The following VPS13A variants were observed in gnomAD, a reference collection of about 807,000 sequenced individuals.
The protein encoded by VPS13A is vacuolar protein sorting 13 homolog A.
VPS13A carries 264 observed loss-of-function variants against 390.9 expected under a neutral mutation model. The observed-to-expected ratio is 0.68, with a 90% CI of 0.61 to 0.75. The LOEUF is 0.75. VPS13A is among the 30% of genes least tolerant of loss of function. The pLI, the probability that VPS13A is intolerant of heterozygous loss-of-function variation, is 0.00. For synonymous variants in VPS13A, 1,231 were observed against 1,227.1 expected (o/e 1.00, Z -0.07); for missense variants, 3,409 against 3,733.9 (o/e 0.91, Z 2.27).
In VPS13A at chr9:77,366,719, CT is replaced by C; in HGVS notation, c.8326-3del. ...TACTTTTAAATATTTATCTCTTTATCTTTTTAGTTACATTTAAGTGTTTCAC... is the reference window on the plus strand; with the variant it reads ...TACTTTTAAATATTTATCTCTTTATCTTTTAGTTACATTTAAGTGTTTCAC... On this transcript the variant is annotated splice_region_variant and splice_polypyrimidine_tract_variant and intron_variant, in intron 60 of 71. Coordinates refer to ENST00000360280, the MANE Select transcript of VPS13A (RefSeq NM_033305.3). 1 of 1,604,778 alleles carries C rather than the reference CT, an allele frequency of 6.2e-7. No individual in the cohort carries two copies. The highest frequency in any genetic ancestry group is 8.5e-7 in the Non-Finnish European group (1 of 1,174,134).
intron 52 of VPS13A, among the ~76,000 whole-genome samples, chr9:77,345,877 C>T (rs1033631521): frequency 3.9e-5 from 6 of 152,044 alleles, no homozygotes; most frequent in South Asian, 2.1e-4. Context: ...ACCTAAAACT[C>T]GTTTGGGGTA....
chr9:77,194,534 G>A (rs997394998), intron 1 of VPS13A, among the ~76,000 whole-genome samples: 1 of 152,118 alleles, frequency 6.6e-6, no homozygotes, highest in African/African-American at 2.4e-5. Context: ...GGCCTTCTGG[G>A]CTCCGTGCAG....
chr9:77,276,284 G>A, intron 26 of VPS13A, 63 bp downstream of exon 26: 1 of 1,394,800 alleles, frequency 7.2e-7, no homozygotes, highest in South Asian at 1.4e-5. Flanking sequence ...CTGCTAGAGA[G>A]TTTTCAATTC....
At chr9:77,387,207 C>T (rs1013870947) in intron 68 of VPS13A, among the ~76,000 whole-genome samples, 5 of 151,302 alleles carry the variant, frequency 3.3e-5, no homozygotes, top group Admixed American at 2.6e-4. Context: ...AGGATCTAGG[C>T]AAAAATATAT....
intron 1 of VPS13A, among the ~76,000 whole-genome samples, chr9:77,192,383 G>T (rs529432131): frequency 1.3e-5 from 2 of 152,124 alleles, no homozygotes; most frequent in South Asian, 4.2e-4. Context: ...TCCTGTTATC[G>T]TGTTGTTAGC....
At chr9:77,241,837 A>G (rs1824518561) in intron 19 of VPS13A, among the ~76,000 whole-genome samples, 1 of 152,302 alleles carries the variant, frequency 6.6e-6, no homozygotes, top group African/African-American at 2.4e-5. Flanking sequence ...CTTATCATTC[A>G]CAGAGGTATT....
Position 77,358,588 on chromosome 9 carries a change from C to T in VPS13A, c.8035+150C>T, listed in dbSNP as rs1831949096. On this transcript the variant is annotated intron_variant, in intron 57 of 71. Transcript: ENST00000360280. ...CTGCTTGAAAAAGGACCAGCAAGTA[C>T]TATACACAACTAACTTTGATAAGAT... 1.1e-5 allele frequency: 7 copies of T among 648,580 alleles called. No homozygotes were observed. The East Asian group carries it at 2.0e-4, about 18-fold the overall frequency. The allele number at this position is 648,580 out of a possible 1,614,324, so 40.2% of individuals were successfully genotyped here. A position where few individuals can be genotyped will look rare whatever the true frequency, so the allele number is the denominator to read the frequency against.
chr9:77,205,218 A>T, intron 3 of VPS13A, 95 bp from the exon 4 acceptor site: 1 of 538,750 alleles, frequency 1.9e-6, no homozygotes, highest in Non-Finnish European at 3.0e-6. Flanking sequence ...CCACTTTATT[A>T]TCTCTTCAAT....
rs1834688195 is a variant in VPS13A, at chr9:77,407,621, A to ATCT, written c.9474+16_9474+18dup. ...GAGGATGCCAGGGTAAATATAATAA[A>ATCT]TCTTTTATTTAAATAGGAGCTGCTC... On this transcript the variant is annotated intron_variant, in intron 71 of 71. Transcript: ENST00000360280. 6.3e-7 allele frequency: 1 copy of ATCT among 1,583,548 alleles called. No homozygotes were observed. The highest frequency in any genetic ancestry group is 8.7e-7 in the Non-Finnish European group (1 of 1,153,220).
intron 35 of VPS13A, 50 bp from the exon 36 acceptor site, chr9:77,313,942 G>A: frequency 6.4e-7 from 1 of 1,562,034 alleles, no homozygotes; most frequent in Non-Finnish European, 8.7e-7. Context: ...ATTTTAATGA[G>A]CTACTTTTCA....
chr9:77,265,904 T>A (rs1262727602), intron 23 of VPS13A, among the ~76,000 whole-genome samples: 2 of 152,232 alleles, frequency 1.3e-5, no homozygotes, highest in Non-Finnish European at 2.9e-5. Context: ...GTGTTGATTT[T>A]AGATCTTTCC....
chr9:77,319,692 A>ATG lies in VPS13A; in HGVS notation c.5415+25_5415+26dup, dbSNP rs757553988. 12 of 1,250,318 alleles carry ATG rather than the reference A, an allele frequency of 9.6e-6. No individual in the cohort carries two copies. Among genetic ancestry groups the ATG allele is most frequent in the South Asian group, 3.7e-5 (3 of 80,818 alleles). The allele number at this position is 1,250,318 out of a possible 1,614,324, so 77.5% of individuals were successfully genotyped here. ...TATCAAGGTATATCTATATATGTCTATGTGTGTATATATATATATATGTAT... is the reference window on the plus strand; with the variant it reads ...TATCAAGGTATATCTATATATGTCTATGTGTGTGTATATATATATATATGTAT... On this transcript the variant is annotated intron_variant, in intron 42 of 71. Transcript: ENST00000360280.
rs776549674 is a variant in VPS13A, at chr9:77,228,167, G to A, written c.1498G>A (p.Val500Ile). ...TGTCCACTTGAAAAGTATGTCTATTGTTCTAAGAGAAAATCATCAAAAACC... is the reference window on the plus strand; with the variant it reads ...TGTCCACTTGAAAAGTATGTCTATTATTCTAAGAGAAAATCATCAAAAACC... ...FFVHLKSMSI[V>I]LRENHQKPEL... Residue 500 changes from valine to isoleucine, a missense_variant, in exon 17 of 72, where the codon GTT becomes ATT. Coordinates refer to ENST00000360280, the MANE Select transcript of VPS13A (RefSeq NM_033305.3). 1 of 1,604,186 alleles carries A rather than the reference G, an allele frequency of 6.2e-7. No homozygotes were observed. The highest frequency in any genetic ancestry group is 8.5e-7 in the Non-Finnish European group (1 of 1,175,100).
At chr9:77,402,024 G>A (rs1834416004) in intron 68 of VPS13A, among the ~76,000 whole-genome samples, 1 of 152,120 alleles carries the variant, frequency 6.6e-6, no homozygotes. Context: ...TGGAGGTCTA[G>A]GAACATATCC....
chr9:77,373,331 G>A (rs1374285171), intron 67 of VPS13A, among the ~76,000 whole-genome samples: 9 of 145,554 alleles, frequency 6.2e-5, no homozygotes, highest in Admixed American at 1.4e-4. Context: ...AAATAACGCC[G>A]CATATCTACA....
At chr9:77,271,809 A>G (rs1033733881) in intron 23 of VPS13A, among the ~76,000 whole-genome samples, 1 of 152,190 alleles carries the variant, frequency 6.6e-6, no homozygotes, top group African/African-American at 2.4e-5. Flanking sequence ...ATAATAGCCC[A>G]GTTTCACTAA....
In VPS13A at chr9:77,315,236, G is replaced by C; in HGVS notation, c.4413-17G>C. On this transcript the variant is annotated splice_polypyrimidine_tract_variant and intron_variant, in intron 37 of 71. Transcript: ENST00000360280. ...AAGTTACTCATACATAGGAATTGTT[G>C]TTATTGTGTTTTCCAGAATGATAGG... 1 of 1,607,080 alleles carries C rather than the reference G, an allele frequency of 6.2e-7. No individual in the cohort carries two copies. The highest frequency in any genetic ancestry group is 8.5e-7 in the Non-Finnish European group (1 of 1,174,056).
chr9:77,312,980 G>A (rs1829179721), intron 35 of VPS13A, among the ~76,000 whole-genome samples: 1 of 152,098 alleles, frequency 6.6e-6, no homozygotes, highest in Non-Finnish European at 1.5e-5. Flanking sequence ...GACTCATTTA[G>A]GAATACGTAT....
intron 45 of VPS13A, among the ~76,000 whole-genome samples, chr9:77,326,597 CTT>C (rs1242623005): frequency 6.6e-6 from 1 of 151,760 alleles, no homozygotes; most frequent in Non-Finnish European, 1.5e-5. Flanking sequence ...TCCATTGTCT[CTT>C]TTTAACATCC....
Sources: gnomAD v4.1 joint callset for allele counts (sites outside exome capture counted in the v4.1 genomes callset) on GRCh38, gnomAD v4.1.1 for gene constraint, MANE v1.5 for transcripts, NCBI Gene and HGNC (gene_info 2026-07-23, HGNC 2026-07-21) for gene names.